Variants in MYO7A observed in about 807,000 individuals in gnomAD.
The protein encoded by MYO7A is unconventional myosin-VIIa.
Under a neutral mutation model 263.8 loss-of-function variants are expected in MYO7A, and 210 were observed. That is an observed-to-expected ratio of 0.80 (90% CI 0.71 to 0.89). The LOEUF (loss-of-function observed/expected upper bound fraction) is 0.89. Among genes scored for constraint, MYO7A ranks in the 40% least tolerant of loss-of-function variants. The pLI, the probability that MYO7A is intolerant of heterozygous loss-of-function variation, is 0.00. For synonymous variants in MYO7A, 1,239 were observed against 1,197.3 expected (o/e 1.03, Z -0.72); for missense variants, 2,820 against 2,968.3 (o/e 0.95, Z 1.16).
At chr11:77,169,534 C>T (rs1460392518) in intron 15 of MYO7A, among the ~76,000 whole-genome samples, 1 of 152,208 alleles carries the variant, frequency 6.6e-6, no homozygotes, top group African/African-American at 2.4e-5. Flanking sequence ...GGCCTTTGAA[C>T]TTTTCACTTC....
intron 44 of MYO7A, among the ~76,000 whole-genome samples, chr11:77,210,646 C>G (rs1056964712): frequency 2.0e-5 from 3 of 152,202 alleles, no homozygotes; most frequent in Admixed American, 6.5e-5. Flanking sequence ...CATCTCTGCT[C>G]TGGGCCCATT....
intron 2 of MYO7A, among the ~76,000 whole-genome samples, chr11:77,137,025 G>T (rs1950928510): frequency 6.6e-6 from 1 of 152,186 alleles, no homozygotes; most frequent in Admixed American, 6.5e-5. Flanking sequence ...ATGAACTCGT[G>T]GTAGAATGCC....
chr11:77,148,031 C>G (rs1555055093), intron 4 of MYO7A, 81 bp downstream of exon 4: 4 of 1,272,696 alleles, frequency 3.1e-6, no homozygotes, highest in Non-Finnish European at 2.1e-6. Context: ...GCCCGACTTG[C>G]CTCCGGCCCC....
intron 35 of MYO7A, 96 bp from the exon 36 acceptor site, chr11:77,201,352 G>T: frequency 8.0e-7 from 1 of 1,251,506 alleles, no homozygotes; most frequent in East Asian, 2.5e-5. Context: ...TGGCAAGTGG[G>T]CAGACATGAG....
chr11:77,212,959 C>G lies in MYO7A; in HGVS notation c.6362C>G (p.Thr2121Arg). 2 of 1,593,006 alleles carry G rather than the reference C, an allele frequency of 1.3e-6. No individual in the cohort carries two copies. The highest frequency in any genetic ancestry group is 1.7e-6 in the Non-Finnish European group (2 of 1,169,118). Residue 2121 changes from threonine to arginine, a missense_variant, in exon 47 of 49, where the codon ACG (threonine) becomes AGG (arginine). Coordinates refer to ENST00000409709, the MANE Select transcript of MYO7A (RefSeq NM_000260.4). ...GSAFFEVKQT[T>R]EPNFPEILLI... ...TCTCATCTTTTTTTCTAGCAAACTA[C>G]GGAGCCAAACTTCCCTGAGATCCTC... is the stretch of plus-strand genomic sequence containing the variant.
Position 77,142,816 on chromosome 11 carries a change from A to G in MYO7A, c.126A>G (p.Glu42=), listed in dbSNP as rs782039375. 1.2e-6 allele frequency: 2 copies of G among 1,603,800 alleles called. No homozygotes were observed. The highest frequency in any genetic ancestry group is 1.7e-6 in the Non-Finnish European group (2 of 1,175,290). ...DSGQVQVVDD[E]DNEHWISPQN... ...GGCAGGTCCAGGTGGTGGATGATGA[A>G]GACAATGTGAGTAGTCCCCTCCCTC... The change falls in exon 3 of 49, where the codon GAA becomes GAG. Residue 42 remains glutamate, a synonymous_variant. Coordinates refer to ENST00000409709, the MANE Select transcript of MYO7A (RefSeq NM_000260.4).
chr11:77,139,893 C>T (rs1038000744), intron 2 of MYO7A, among the ~76,000 whole-genome samples: 1 of 152,168 alleles, frequency 6.6e-6, no homozygotes, highest in Non-Finnish European at 1.5e-5. Context: ...CAAGAACTTT[C>T]CCTAGGGCCA....
intron 7 of MYO7A, 130 bp from the exon 8 acceptor site, chr11:77,157,149 C>T: frequency 7.2e-7 from 1 of 1,380,624 alleles, no homozygotes; most frequent in Non-Finnish European, 1.0e-6. Context: ...GGAAATCCCA[C>T]CATGAAACCC....
chr11:77,137,473 AG>A (rs1555047988), intron 2 of MYO7A, among the ~76,000 whole-genome samples: 1 of 152,184 alleles, frequency 6.6e-6, no homozygotes, highest in East Asian at 1.9e-4. Flanking sequence ...AGGAAGAAAA[AG>A]GAGGAAAGAG....
intron 4 of MYO7A, among the ~76,000 whole-genome samples, chr11:77,154,951 G>T (rs935034694): frequency 3.3e-5 from 5 of 152,146 alleles, no homozygotes; most frequent in Non-Finnish European, 7.4e-5. Context: ...CTGCGGCTCT[G>T]CTGTGATGCA....
In MYO7A at chr11:77,175,385, G is replaced by A. The variant is rs1555079454; in HGVS notation, c.2108G>A (p.Gly703Glu). The stretch of plus-strand genomic sequence containing the variant: ...TCCTCACTCCAGGGCGACCTCCGCG[G>A]GACTTGCCAGCGCATGGCTGAGGCT... The part of the protein sequence containing the change: ...KPAYKQGDLR[G>E]TCQRMAEAVL... The change falls in exon 18 of 49, where the codon GGG becomes GAG. Residue 703 changes from glycine (G) to glutamate (E), a missense_variant. Coordinates refer to ENST00000409709, the MANE Select transcript of MYO7A (RefSeq NM_000260.4). The A allele has an allele frequency of 6.2e-7, 1 of 1,613,280 alleles. No individual in the cohort carries two copies. Among genetic ancestry groups the A allele is most frequent in the East Asian group, 2.2e-5 (1 of 44,870 alleles).
intron 27 of MYO7A, among the ~76,000 whole-genome samples, chr11:77,185,395 C>T (rs1955581781): frequency 6.6e-6 from 1 of 152,176 alleles, no homozygotes; most frequent in Non-Finnish European, 1.5e-5. Flanking sequence ...TATTCTAAAT[C>T]CTTTGTTGTC....
chr11:77,206,072 C>T (rs1362982866), intron 40 of MYO7A, 25 bp from the exon 41 acceptor site: 1 of 1,573,162 alleles, frequency 6.4e-7, no homozygotes, highest in Non-Finnish European at 8.7e-7. Flanking sequence ...GCACATGCCC[C>T]CTGCTGCCCC....
chr11:77,189,953 T>C, intron 28 of MYO7A, 67 bp from the exon 29 acceptor site: 1 of 1,452,858 alleles, frequency 6.9e-7, no homozygotes, highest in East Asian at 2.6e-5. Context: ...CGGGAGGGCC[T>C]GGCGGCTGCC....
chr11:77,213,102 A>G, intron 47 of MYO7A, 67 bp downstream of exon 47: 1 of 1,280,638 alleles, frequency 7.8e-7, no homozygotes, highest in Non-Finnish European at 1.1e-6. Context: ...CGGTCCCAGA[A>G]CGAACCCCAC....
At chr11:77,211,589 CTTTG>C (rs1213485620) in intron 45 of MYO7A, among the ~76,000 whole-genome samples, 11 of 152,328 alleles carry the variant, frequency 7.2e-5, no homozygotes, top group African/African-American at 2.6e-4. Flanking sequence ...CCTTGATACC[CTTTG>C]GTCTGCCTGC....
intron 31 of MYO7A, among the ~76,000 whole-genome samples, chr11:77,193,849 C>G (rs1956430726): frequency 6.6e-6 from 1 of 152,156 alleles, no homozygotes; most frequent in South Asian, 2.1e-4. Context: ...TGCAGTAGAT[C>G]CTGCCAGCTG....
In MYO7A at chr11:77,206,371, G is replaced by C. The variant is rs2276292; in HGVS notation, c.5742+169G>C. 3.8e-4 allele frequency among the ~76,000 whole-genome samples: 58 copies of C among 152,154 alleles called. No homozygotes were observed. In the East Asian group the frequency reaches 0.011, roughly 28 times the overall value. On this transcript the variant is annotated intron_variant, in intron 41 of 48. Transcript: ENST00000409709. ...AGGACGAAGGCCATCGACTCCCCAGGTCAGGGGCCCTTGGTTCCTGATCCA... is the reference window on the plus strand; with the variant it reads ...AGGACGAAGGCCATCGACTCCCCAGCTCAGGGGCCCTTGGTTCCTGATCCA...
intron 3 of MYO7A, 132 bp downstream of exon 3, chr11:77,142,954 C>T (rs1565310600): frequency 2.0e-5 from 15 of 744,714 alleles, no homozygotes; most frequent in East Asian, 1.4e-4. Flanking sequence ...CTCTCAGATG[C>T]CCCCTTCCAT....
Sources: allele counts gnomAD v4.1 joint callset (sites outside exome capture counted in the v4.1 genomes callset), GRCh38; gene constraint gnomAD v4.1.1; transcripts MANE v1.5; gene names NCBI Gene and HGNC (gene_info 2026-07-23, HGNC 2026-07-21).